KIRREL3: variants seen among roughly 807,000 people sequenced by gnomAD.
KIRREL3 encodes kirre like nephrin family adhesion molecule 3, also known as kin of IRRE-like protein 3.
KIRREL3 carries 36 observed loss-of-function variants against 89.7 expected under a neutral mutation model. The observed-to-expected ratio is 0.40, with a 90% confidence interval of 0.31 to 0.53. The LOEUF is 0.53. Among genes scored for constraint, KIRREL3 ranks in the 20% least tolerant of loss-of-function variants. The pLI is 0.49. For missense variants in KIRREL3, 864 were observed against 1,056.6 expected (o/e 0.82, Z 2.53); for synonymous variants, 445 against 441.4 (o/e 1.01, Z -0.10).
Position 126,693,281 on chromosome 11 carries a change from C to T in KIRREL3, c.56-130369G>A, listed in dbSNP as rs141521264. Among the ~76,000 whole-genome samples the T allele has an allele frequency of 2.3e-3, 345 of 152,208 alleles. 2 individuals carry two copies. The highest frequency in any genetic ancestry group is 0.015 in the South Asian group (74 of 4,818). ...TAAAATACAAAAAAAATTAGCCGGG[C>T]GTGGTGGCGCGCACCTGTAATCCCA... is the stretch of plus-strand genomic sequence containing the variant. On this transcript the variant is annotated intron_variant, in intron 1 of 16. Coordinates refer to ENST00000525144, the MANE Select transcript of KIRREL3 (RefSeq NM_032531.4).
intron 11 of KIRREL3, among the ~76,000 whole-genome samples, chr11:126,437,376 C>A (rs1955392886): frequency 1.3e-5 from 2 of 148,742 alleles, no homozygotes; most frequent in African/African-American, 4.9e-5. Context: ...CAGCTCTGCA[C>A]ACACACAAGT....
rs11220555 is a variant in KIRREL3 at position 126,606,001 on chromosome 11, A to G, written c.56-43089T>C. Among the ~76,000 whole-genome samples the G allele has an allele frequency of 0.014, 2,158 of 152,328 alleles. 20 individuals carry two copies. Among genetic ancestry groups the G allele is most frequent in the Non-Finnish European group, 0.023 (1,559 of 68,026 alleles). On this transcript the variant is annotated intron_variant, in intron 1 of 16. Coordinates refer to ENST00000525144, the MANE Select transcript of KIRREL3 (RefSeq NM_032531.4). The surrounding 1 kb of genome is among the most constrained non-coding windows in gnomAD (Gnocchi z 4.6). ...GCCATAGTGTGGTCCAGAGGGACGC[A>G]GGCCATCTTGGGAAGGAATCCCAGT...
intron 1 of KIRREL3, among the ~76,000 whole-genome samples, chr11:126,650,787 T>C (rs1944877667): frequency 6.6e-6 from 1 of 152,212 alleles, no homozygotes; most frequent in Non-Finnish European, 1.5e-5. Flanking sequence ...GGTATCTTTT[T>C]AGCAACTCTA....
chr11:126,976,429 T>C lies in KIRREL3; in HGVS notation c.55+24026A>G, dbSNP rs1320362183. On this transcript the variant is annotated intron_variant, in intron 1 of 16. Transcript: ENST00000525144. The surrounding 1 kb of genome is among the most constrained non-coding windows in gnomAD (Gnocchi z 4.2). ...TCTCCTGCAGATTTTTTTCTGGAGA[T>C]TTATATGTTTACCTGTCCACTGTTT... Among the ~76,000 whole-genome samples the C allele has an allele frequency of 6.6e-6, 1 of 152,188 alleles. No individual in the cohort carries two copies. Among genetic ancestry groups the C allele is most frequent in the East Asian group, 1.9e-4 (1 of 5,190 alleles).
rs898071710 is a variant in KIRREL3 at position 126,694,435 on chromosome 11, G to A, written c.56-131523C>T. ...TGATTGTGTCAGCATCACGCTCCGT[G>A]ACATTTAAAAGTGGGGAAGGAAAAT... is the stretch of plus-strand genomic sequence containing the variant. On this transcript the variant is annotated intron_variant, in intron 1 of 16. Transcript: ENST00000525144. This position sits in a 1 kb window ranked among gnomAD's most constrained non-coding sequence, Gnocchi z 4.4. Among the ~76,000 whole-genome samples, 1 of 152,182 alleles carries A rather than the reference G, an allele frequency of 6.6e-6. No homozygotes were observed. Among genetic ancestry groups the A allele is most frequent in the Non-Finnish European group, 1.5e-5 (1 of 68,044 alleles).
chr11:126,450,103 C>T (rs1351438027), intron 7 of KIRREL3, among the ~76,000 whole-genome samples: 1 of 151,454 alleles, frequency 6.6e-6, no homozygotes. Flanking sequence ...CAGCAGCCTG[C>T]TGTGTGCAGA....
intron 1 of KIRREL3, among the ~76,000 whole-genome samples, chr11:126,665,135 G>A (rs2135031899): frequency 6.6e-6 from 1 of 152,204 alleles, no homozygotes; most frequent in East Asian, 1.9e-4. Context: ...CCTGAGGTGA[G>A]GCTCAACACT....
intron 1 of KIRREL3, among the ~76,000 whole-genome samples, chr11:126,958,797 GTCT>G (rs1359063790): frequency 5.9e-5 from 9 of 152,078 alleles, no homozygotes; most frequent in Admixed American, 5.9e-4. Context: ...TACTTTCTTA[GTCT>G]TCTTTGTCCC....
In KIRREL3 at chr11:126,997,336, G is replaced by A. The variant is rs954100340; in HGVS notation, c.55+3119C>T. Among the ~76,000 whole-genome samples, 15 of 152,250 alleles carry A rather than the reference G, an allele frequency of 9.9e-5. No homozygotes were observed. The highest frequency in any genetic ancestry group is 1.2e-4 in the African/African-American group (5 of 41,528). ...ATCCCTCTCTGAACAAAGCATGACC[G>A]TCCTGACAGCTGAGGGAAGAGGCAT... On this transcript the variant is annotated intron_variant, in intron 1 of 16. Coordinates refer to ENST00000525144, the MANE Select transcript of KIRREL3 (RefSeq NM_032531.4). The surrounding 1 kb of genome is among the most constrained non-coding windows in gnomAD (Gnocchi z 4.3).
chr11:126,821,329 G>GTATATATATATATA (rs6144553), intron 1 of KIRREL3, among the ~76,000 whole-genome samples: 8 of 103,528 alleles, frequency 7.7e-5, no homozygotes, highest in African/African-American at 3.5e-4. Context: ...GATAAACACA[G>GTATATATATATATA]TATATATATA....
chr11:126,430,648 G>A lies in KIRREL3; in HGVS notation c.1696+771C>T, dbSNP rs1253037403. 1.3e-5 allele frequency among the ~76,000 whole-genome samples: 2 copies of A among 152,138 alleles called. No homozygotes were observed. Among genetic ancestry groups the A allele is most frequent in the African/African-American group, 4.8e-5 (2 of 41,420 alleles). On this transcript the variant is annotated intron_variant, in intron 14 of 16. Coordinates refer to ENST00000525144, the MANE Select transcript of KIRREL3 (RefSeq NM_032531.4). The surrounding 1 kb of genome is among the most constrained non-coding windows in gnomAD (Gnocchi z 6.6). The stretch of plus-strand genomic sequence containing the variant: ...TCAAACATGTGCAGGCTGCCGAGTG[G>A]CAGAGGAGCAGACCCATTCTGGTGA...
Position 126,568,918 on chromosome 11 carries a change from A to T in KIRREL3, c.56-6006T>A, listed in dbSNP as rs775385237. 6.6e-6 allele frequency among the ~76,000 whole-genome samples: 1 copy of T among 152,108 alleles called. No homozygotes were observed. Among genetic ancestry groups the T allele is most frequent in the Admixed American group, 6.5e-5 (1 of 15,270 alleles). ...GTGATATAATGAGCTATTAGGTTGC[A>T]TACTTCCCAGGTTAGCACGTAGCCA... On this transcript the variant is annotated intron_variant, in intron 1 of 16. Transcript: ENST00000525144. This position sits in a 1 kb window ranked among gnomAD's most constrained non-coding sequence, Gnocchi z 4.6.
intron 1 of KIRREL3, among the ~76,000 whole-genome samples, chr11:126,765,292 T>A (rs1450764962): frequency 6.6e-6 from 1 of 152,130 alleles, no homozygotes; most frequent in East Asian, 1.9e-4. Flanking sequence ...ATAAGATGAA[T>A]CTTGTCAAAA....
At position 126,543,297 on chromosome 11, in the gene KIRREL3, G is replaced by T. The variant is rs551098227; in HGVS notation, c.134-16610C>A. On this transcript the variant is annotated intron_variant, in intron 2 of 16. Transcript: ENST00000525144. ...TTGAAAGGATGGAGAGGGAGTGTGA[G>T]GACTGCCGGAGACGCCCAGCCTAGG... Among the ~76,000 whole-genome samples the T allele has an allele frequency of 1.1e-3, 165 of 152,196 alleles. 1 individual carries two copies. Among genetic ancestry groups the T allele is most frequent in the Non-Finnish European group, 1.8e-3 (123 of 68,026 alleles).
At chr11:126,437,052 G>C in intron 11 of KIRREL3, 43 bp from the exon 12 acceptor site, 1 of 1,463,498 alleles carries the variant, frequency 6.8e-7, no homozygotes, top group Non-Finnish European at 9.1e-7. Context: ...CACCAGAGGG[G>C]CCCAGGACAC....
At chr11:126,543,953 AC>A (rs1242697949) in intron 2 of KIRREL3, 1 of 152,212 alleles carries the variant, frequency 6.6e-6, no homozygotes, top group Non-Finnish European at 1.5e-5. Flanking sequence ...TTGTGAGATG[AC>A]CCAAGGAGGA....
intron 5 of KIRREL3, among the ~76,000 whole-genome samples, chr11:126,464,841 T>G: frequency 6.6e-6 from 1 of 152,204 alleles, no homozygotes; most frequent in Non-Finnish European, 1.5e-5. Flanking sequence ...TGTTGTGTCA[T>G]GCACCGAATT....
At position 126,638,987 on chromosome 11, in the gene KIRREL3, A is replaced by AT. The variant is rs139062236; in HGVS notation, c.56-76076dup. Among the ~76,000 whole-genome samples the AT allele has an allele frequency of 0.01, 1,523 of 151,658 alleles. 63 individuals are homozygous for AT. In the East Asian group the frequency reaches 0.1, roughly 10 times the overall value. On this transcript the variant is annotated intron_variant, in intron 1 of 16. Transcript: ENST00000525144. Reference sequence around the variant, plus strand: ...GGGGGCTGGACAGTACACTTTAATGATTTTTTTTTAATTGAATGAATTAAG... The same window carrying AT: ...GGGGGCTGGACAGTACACTTTAATGATTTTTTTTTTAATTGAATGAATTAAG...
rs1458610267 is a variant in KIRREL3, at chr11:126,995,451, G to A, written c.55+5004C>T. On this transcript the variant is annotated intron_variant, in intron 1 of 16. Coordinates refer to ENST00000525144, the MANE Select transcript of KIRREL3 (RefSeq NM_032531.4). The surrounding 1 kb of genome is among the most constrained non-coding windows in gnomAD (Gnocchi z 6.5). ...GATGGACCCCAATAAAAAAACGCCT[G>A]CACTGTTTTTCACCTAAGGTCATCT... 1 of 396,726 alleles carries A rather than the reference G, an allele frequency of 2.5e-6. No homozygotes were observed. The highest frequency in any genetic ancestry group is 5.0e-6 in the Non-Finnish European group (1 of 201,476). The allele number at this position is 396,726 out of a possible 1,614,324, so 24.6% of individuals were successfully genotyped here.
Sources: allele counts gnomAD v4.1 joint callset (sites outside exome capture counted in the v4.1 genomes callset), GRCh38; gene constraint gnomAD v4.1.1; non-coding constraint Gnocchi (gnomAD v3.1); transcripts MANE v1.5; gene names NCBI Gene and HGNC (gene_info 2026-07-23, HGNC 2026-07-21).